MAGI2: variants seen among roughly 807,000 people sequenced by gnomAD.
The protein encoded by MAGI2 is membrane associated guanylate kinase, WW and PDZ domain containing 2.
In MAGI2, 35 loss-of-function variants were observed where a neutral mutation model predicts 133.3. The observed-to-expected ratio is 0.26, with a 90% CI of 0.20 to 0.35. MAGI2 has a LOEUF of 0.35. Among genes scored for constraint, MAGI2 ranks in the 10% least tolerant of loss-of-function variants. The pLI, the probability that MAGI2 is intolerant of heterozygous loss-of-function variation, is 1.00. For missense variants in MAGI2, 1,636 were observed against 1,863.4 expected (o/e 0.88, Z 2.25); for synonymous variants, 729 against 710.6 (o/e 1.03, Z -0.41).
At chr7:79,366,374 T>G (rs1160601476) in intron 1 of MAGI2, among the ~76,000 whole-genome samples, 1 of 152,170 alleles carries the variant, frequency 6.6e-6, no homozygotes, top group Non-Finnish European at 1.5e-5. Flanking sequence ...ATGGTTTGAT[T>G]GCCTGGGGTT....
At chr7:78,263,186 A>G (rs567908671) in intron 9 of MAGI2, among the ~76,000 whole-genome samples, 6 of 152,292 alleles carry the variant, frequency 3.9e-5, no homozygotes, top group African/African-American at 1.4e-4. Flanking sequence ...CCATGGCATT[A>G]TATGTACCAC....
chr7:79,049,654 A>G (rs986209142), intron 1 of MAGI2, among the ~76,000 whole-genome samples: 1 of 151,952 alleles, frequency 6.6e-6, no homozygotes, highest in Non-Finnish European at 1.5e-5. Flanking sequence ...TTGCTAAAAG[A>G]TTTTCTAAAA....
intron 3 of MAGI2, among the ~76,000 whole-genome samples, chr7:78,585,669 G>T (rs1240745432): frequency 6.6e-6 from 1 of 152,174 alleles, no homozygotes; most frequent in African/African-American, 2.4e-5. Flanking sequence ...ATAACAAGAG[G>T]TGCCCAGGGG....
At chr7:78,038,444 T>C (rs1320296387) in intron 21 of MAGI2, among the ~76,000 whole-genome samples, 2 of 152,182 alleles carry the variant, frequency 1.3e-5, no homozygotes, top group Non-Finnish European at 2.9e-5. Context: ...ATTGTATTGT[T>C]AAATGCAAAA....
At chr7:78,948,208 C>G (rs1801586134) in intron 2 of MAGI2, among the ~76,000 whole-genome samples, 1 of 152,004 alleles carries the variant, frequency 6.6e-6, no homozygotes, top group African/African-American at 2.4e-5. Flanking sequence ...ATATTTTGAA[C>G]ACCTGAGTCA....
rs74860496 is a variant in MAGI2 at position 78,828,454 on chromosome 7, C to T, written c.418+178636G>A. Among the ~76,000 whole-genome samples the T allele has an allele frequency of 3.3e-5, 5 of 152,230 alleles. No homozygotes were observed. The East Asian group carries it at 9.7e-4, about 29-fold the overall frequency. On this transcript the variant is annotated intron_variant, in intron 2 of 21. Coordinates refer to ENST00000354212, the MANE Select transcript of MAGI2 (RefSeq NM_012301.4). ...TGAAACAAAACAAAACCAATCAAAA[C>T]ATCAAAGAAATATCATCTGAGAGAC... is the stretch of plus-strand genomic sequence containing the variant.
At chr7:78,102,334 G>GTAGA (rs1818280649) in intron 20 of MAGI2, among the ~76,000 whole-genome samples, 1 of 152,120 alleles carries the variant, frequency 6.6e-6, no homozygotes, top group Non-Finnish European at 1.5e-5. Flanking sequence ...TGCTAAGAGA[G>GTAGA]TAGATCTTAC....
At chr7:79,357,084 C>T (rs1290305665) in intron 1 of MAGI2, among the ~76,000 whole-genome samples, 2 of 152,270 alleles carry the variant, frequency 1.3e-5, no homozygotes, top group African/African-American at 2.4e-5. Context: ...TTTGTAGATT[C>T]CTTCAGTATT....
chr7:78,195,423 T>TTC (rs1320058277), intron 11 of MAGI2, among the ~76,000 whole-genome samples: 11 of 152,170 alleles, frequency 7.2e-5, no homozygotes, highest in Non-Finnish European at 1.3e-4. Context: ...AAATGTATGG[T>TTC]ATTAGTTGTT....
intron 2 of MAGI2, among the ~76,000 whole-genome samples, chr7:78,936,559 C>T (rs1488066416): frequency 6.6e-6 from 1 of 151,844 alleles, no homozygotes; most frequent in Non-Finnish European, 1.5e-5. Flanking sequence ...TATTTTGATG[C>T]CAACAAAACC....
At position 78,927,882 on chromosome 7, in the gene MAGI2, T is replaced by C. The variant is rs1799833793; in HGVS notation, c.418+79208A>G. Among the ~76,000 whole-genome samples the C allele has an allele frequency of 2.0e-5, 3 of 151,958 alleles. No homozygotes were observed. In the South Asian group the frequency reaches 6.2e-4, roughly 31 times the overall value. ...GGAAGTTTGTAGAATCATATTCCTG[T>C]TTGTTTATGACTATGAACTATAGCC... On this transcript the variant is annotated intron_variant, in intron 2 of 21. Transcript: ENST00000354212.
chr7:79,085,324 C>CT (rs1450084216), intron 1 of MAGI2, among the ~76,000 whole-genome samples: 1 of 151,324 alleles, frequency 6.6e-6, no homozygotes, highest in African/African-American at 2.4e-5. Context: ...ATTTTTGACT[C>CT]TTTTTTCTAA....
At chr7:78,812,634 C>G (rs558176564) in intron 2 of MAGI2, among the ~76,000 whole-genome samples, 7 of 147,636 alleles carry the variant, frequency 4.7e-5, no homozygotes, top group African/African-American at 1.8e-4. Context: ...ATATATTTGC[C>G]GATAGATTGG....
At chr7:78,291,059 TAGC>T (rs1186598810) in intron 9 of MAGI2, among the ~76,000 whole-genome samples, 1 of 152,172 alleles carries the variant, frequency 6.6e-6, no homozygotes, top group African/African-American at 2.4e-5. Flanking sequence ...ATTCAAAAGT[TAGC>T]AGAAGGTAAG....
At chr7:78,021,195 T>C (rs188579615) in intron 21 of MAGI2, among the ~76,000 whole-genome samples, 68 of 152,334 alleles carry the variant, frequency 4.5e-4, no homozygotes, top group African/African-American at 1.6e-3. Context: ...GGAAATCCAA[T>C]TACTGTGAAT....
intron 6 of MAGI2, among the ~76,000 whole-genome samples, chr7:78,447,490 T>C (rs1229365350): frequency 6.6e-6 from 1 of 152,096 alleles, no homozygotes; most frequent in Non-Finnish European, 1.5e-5. Flanking sequence ...GAGTTTAGCA[T>C]ACTGCCTGAC....
intron 9 of MAGI2, among the ~76,000 whole-genome samples, chr7:78,337,300 C>G (rs1459749784): frequency 2.0e-5 from 3 of 152,298 alleles, no homozygotes; most frequent in Middle Eastern, 6.8e-3. Context: ...ATAGGATCAT[C>G]AGGGATTGGC....
intron 6 of MAGI2, among the ~76,000 whole-genome samples, chr7:78,440,842 A>C (rs1787549925): frequency 6.6e-6 from 1 of 152,004 alleles, no homozygotes; most frequent in African/African-American, 2.4e-5. Flanking sequence ...AGTCCCAGCC[A>C]CTCGGGAGGC....
At chr7:79,452,256 C>A (rs1464661750) in intron 1 of MAGI2, among the ~76,000 whole-genome samples, 1 of 152,184 alleles carries the variant, frequency 6.6e-6, no homozygotes, top group African/African-American at 2.4e-5. Flanking sequence ...CCTCCGACCC[C>A]CGCCCAGCAC....
Sources: gnomAD v4.1 joint callset for allele counts (sites outside exome capture counted in the v4.1 genomes callset) on GRCh38, gnomAD v4.1.1 for gene constraint, MANE v1.5 for transcripts, NCBI Gene and HGNC (gene_info 2026-07-23, HGNC 2026-07-21) for gene names.